Variants in IRF2BPL observed in about 807,000 individuals in gnomAD.
The protein encoded by IRF2BPL is interferon regulatory factor 2 binding protein like, also known as probable E3 ubiquitin-protein ligase IRF2BPL.
IRF2BPL carries 13 observed loss-of-function variants against 51.2 expected under a neutral mutation model. That is an observed-to-expected ratio of 0.25 (90% CI 0.17 to 0.40). IRF2BPL has a LOEUF of 0.40. IRF2BPL is among the 10% of genes least tolerant of loss of function. IRF2BPL has a pLI of 1.00. For synonymous variants in IRF2BPL, 768 were observed against 509.2 expected, an observed-to-expected ratio of 1.51 and a Z score of -6.84; for missense variants, 1,210 against 1,111.8, an observed-to-expected ratio of 1.09 and a Z score of -1.26.
At position 77,026,874 on chromosome 14, in the gene IRF2BPL, C is replaced by T. The variant is rs1885142713; in HGVS notation, c.919G>A (p.Ala307Thr). 1 of 1,574,910 alleles carries T rather than the reference C, an allele frequency of 6.3e-7. No individual in the cohort carries two copies. Among genetic ancestry groups the T allele is most frequent in the Non-Finnish European group, 8.6e-7 (1 of 1,161,084 alleles). ...ACLGGTPGVS[A>T]TSSSASSSTS... Reference sequence around the variant, plus strand: ...GAAGACGACGCGGAGGACGACGTGGCCGATACACCCGGGGTACCCCCGAGA... The same window carrying T: ...GAAGACGACGCGGAGGACGACGTGGTCGATACACCCGGGGTACCCCCGAGA... The change falls in exon 1 of 1, where the codon GCC becomes ACC. Residue 307 changes from alanine to threonine, a missense_variant. Transcript: ENST00000238647.
At position 77,027,489 on chromosome 14, in the gene IRF2BPL, C is replaced by T; in HGVS notation, c.304G>A (p.Ala102Thr). 2 of 706,098 alleles carry T rather than the reference C, an allele frequency of 2.8e-6. No individual in the cohort carries two copies. The highest frequency in any genetic ancestry group is 6.4e-4 in the Middle Eastern group (1 of 1,564). 43.7% of individuals were successfully genotyped at this position (706,098 alleles called of 1,614,324 possible). ...TGCTGCTGTTGCTGTTGCTGTTGCG[C>T]GGCGGCGGCGGCGGCCGCCGCTGCT... ...AAAAAAAAAA[A>T]QQQQQQQQQQ... is the part of the protein sequence containing the mutation. Residue 102 changes from alanine (A) to threonine (T), a missense_variant, in exon 1 of 1, where the codon GCG (alanine) becomes ACG (threonine). Physicochemically the swap from Ala to Thr is moderately conservative, Grantham distance 58. Transcript: ENST00000238647.
Position 77,026,286 on chromosome 14 carries a change from T to G in IRF2BPL, c.1507A>C (p.Ser503Arg), listed in dbSNP as rs1885118043. The change falls in exon 1 of 1, where the codon AGC becomes CGC. Residue 503 changes from serine (S) to arginine (R), a missense_variant. Ser to Arg is a moderately radical substitution (Grantham distance 110). Transcript: ENST00000238647. ...AGAGCAGTGGGCAGCATGGGACAGC[T>G]GGCGTCCAGGTAGGGCTGGGGCAGC... is the stretch of plus-strand genomic sequence containing the variant. Reference protein sequence around the residue: ...DMLPQPYLDASCPMLPTALVS... With the variant: ...DMLPQPYLDARCPMLPTALVS... The G allele has an allele frequency of 6.6e-7, 1 of 1,517,730 alleles. No homozygotes were observed. The highest frequency in any genetic ancestry group is 2.4e-5 in the East Asian group (1 of 41,854). The allele number at this position is 1,517,730 out of a possible 1,614,324, so 94.0% of individuals were successfully genotyped here.
At position 77,027,415 on chromosome 14, in the gene IRF2BPL, T is replaced by TTGCTGCTGC. The variant is rs1555377480; in HGVS notation, c.377_378insGCAGCAGCA (p.Gln125_Gln127dup). The TTGCTGCTGC allele has an allele frequency of 1.4e-6, 2 of 1,424,506 alleles. No individual in the cohort carries two copies. The highest frequency in any genetic ancestry group is 1.8e-6 in the Non-Finnish European group (2 of 1,093,086). The allele number at this position is 1,424,506 out of a possible 1,614,324, so 88.2% of individuals were successfully genotyped here. A position where few individuals can be genotyped will look rare whatever the true frequency, so the allele number is the denominator to read the frequency against. On this transcript the variant is annotated inframe_insertion, in exon 1 of 1. Transcript: ENST00000238647. ...TGGAACCATCAACGTGGTTGAGCTGTTGTTGCTGCTGCTGCTGCTGCTGCT... is the reference window on the plus strand; with the variant it reads ...TGGAACCATCAACGTGGTTGAGCTGTTGCTGCTGCTGTTGCTGCTGCTGCTGCTGCTGCT...
Position 77,025,021 on chromosome 14 carries a change from TC to T in IRF2BPL, c.*380del, listed in dbSNP as rs1885068000. On this transcript the variant is annotated 3_prime_UTR_variant, in exon 1 of 1. Coordinates refer to ENST00000238647, the MANE Select transcript of IRF2BPL (RefSeq NM_024496.4). Reference sequence around the variant, plus strand: ...AGTCTTTTTCTTTTGTGTGTGTTTTTCCTTTCAGAGAGTGCATAACATTTAC... The same window carrying T: ...AGTCTTTTTCTTTTGTGTGTGTTTTTCTTTCAGAGAGTGCATAACATTTAC... 1 of 147,230 alleles carries T rather than the reference TC, an allele frequency of 6.8e-6. No homozygotes were observed. The highest frequency in any genetic ancestry group is 2.6e-5 in the African/African-American group (1 of 39,214). The allele number at this position is 147,230 out of a possible 1,614,324, so 9.1% of individuals were successfully genotyped here.
Position 77,028,013 on chromosome 14 carries a change from C to T in IRF2BPL, c.-221G>A, listed in dbSNP as rs956385762. ...CGCCCGGGCAGCGGACGGGTTCAGC[C>T]CTCTCTTCGCCCCCACCTCCTACTG... On this transcript the variant is annotated 5_prime_UTR_variant, in exon 1 of 1. Transcript: ENST00000238647. The T allele has an allele frequency of 1.2e-5, 6 of 483,490 alleles. No homozygotes were observed. Among genetic ancestry groups the T allele is most frequent in the African/African-American group, 1.0e-4 (5 of 49,266 alleles). The allele number at this position is 483,490 out of a possible 1,614,324, so 29.9% of individuals were successfully genotyped here. A position where few individuals can be genotyped will look rare whatever the true frequency, so the allele number is the denominator to read the frequency against.
rs1885201018 is a variant in IRF2BPL, at chr14:77,027,793, G to GC, written c.-2_-1insG. 2 of 1,570,210 alleles carry GC rather than the reference G, an allele frequency of 1.3e-6. No homozygotes were observed. Among genetic ancestry groups the GC allele is most frequent in the Non-Finnish European group, 1.7e-6 (2 of 1,156,342 alleles). On this transcript the variant is annotated 5_prime_UTR_variant, in exon 1 of 1. The change creates a new upstream start codon in the 5' untranslated region. Transcript: ENST00000238647. Reference sequence around the variant, plus strand: ...ACGAGGACACCTGCGCCGCCGACATGATGCCTGCCCTGGGGAAGGTAGGCC... The same window carrying GC: ...ACGAGGACACCTGCGCCGCCGACATGCATGCCTGCCCTGGGGAAGGTAGGCC...
At position 77,025,815 on chromosome 14, in the gene IRF2BPL, GGCT is replaced by G; in HGVS notation, c.1975_1977del (p.Ser659del). On this transcript the variant is annotated inframe_deletion, in exon 1 of 1. Coordinates refer to ENST00000238647, the MANE Select transcript of IRF2BPL (RefSeq NM_024496.4). ...CCCGGCACGGAGGCCGGCGAGACTG[GGCT>G]GCTGCTGTTTCGCCGCGCCGACGCA... 1 of 1,612,432 alleles carries G rather than the reference GGCT, an allele frequency of 6.2e-7. No individual in the cohort carries two copies. Among genetic ancestry groups the G allele is most frequent in the Non-Finnish European group, 8.5e-7 (1 of 1,179,744 alleles).
In IRF2BPL at chr14:77,027,137, G is replaced by C. The variant is rs771575150; in HGVS notation, c.656C>G (p.Ser219Cys). Residue 219 changes from serine to cysteine, a missense_variant, in exon 1 of 1, where the codon TCT becomes TGT. By Grantham distance (112) the Ser-to-Cys change is moderately radical. Transcript: ENST00000238647. ...AGACGCCACCGACGCCGCCGCTGAA[G>C]AAGAATTGGGGCTCTGACGGTTCAG... The part of the protein sequence containing the change: ...PELNRQSPNS[S>C]SAAASVASRR... The C allele has an allele frequency of 6.2e-7, 1 of 1,612,920 alleles. No homozygotes were observed. Among genetic ancestry groups the C allele is most frequent in the Non-Finnish European group, 8.5e-7 (1 of 1,179,626 alleles).
chr14:77,027,450 G>A lies in IRF2BPL; in HGVS notation c.343C>T (p.Gln115Ter), dbSNP rs1445659695. 3.3e-6 allele frequency: 1 copy of A among 299,164 alleles called. No individual in the cohort carries two copies. Among genetic ancestry groups the A allele is most frequent in the South Asian group, 4.6e-5 (1 of 21,532 alleles). The allele number at this position is 299,164 out of a possible 1,614,324, so 18.5% of individuals were successfully genotyped here. Residue 115 changes from glutamine (Q) to a stop codon, truncating the protein, a stop_gained, in exon 1 of 1, where the codon CAG becomes TAG. Transcript: ENST00000238647. LOFTEE classifies it high-confidence loss of function. The stretch of plus-strand genomic sequence containing the variant: ...TGCTGCTGCTGCTGCTGCTGCTGCT[G>A]TTGCTGCTGCTGCTGCTGCTGTTGC... ...QQQQQQQQQQ[Q>*]QQQQQQQQQQ...
chr14:77,027,450 GTT>G lies in IRF2BPL; in HGVS notation c.341_342del (p.Gln114ProfsTer18). 3.3e-6 allele frequency: 1 copy of G among 299,162 alleles called. No individual in the cohort carries two copies. The allele number at this position is 299,162 out of a possible 1,614,324, so 18.5% of individuals were successfully genotyped here. ...TGCTGCTGCTGCTGCTGCTGCTGCT[GTT>G]GCTGCTGCTGCTGCTGCTGTTGCTG... Reference protein sequence around the residue: ...QQQQQQQQQQQQQQQQQQQQQ... With the variant: ...QQQQQQQQQQXQQQQQQQQQQ... On this transcript the variant is annotated frameshift_variant, in exon 1 of 1. Coordinates refer to ENST00000238647, the MANE Select transcript of IRF2BPL (RefSeq NM_024496.4). LOFTEE classifies it high-confidence loss of function.
rs549304182 is a variant in IRF2BPL, at chr14:77,025,309, G to A, written c.*93C>T. The A allele has an allele frequency of 3.1e-5, 26 of 825,560 alleles. No individual in the cohort carries two copies. Among genetic ancestry groups the A allele is most frequent in the Admixed American group, 1.4e-4 (5 of 35,260 alleles). The allele number at this position is 825,560 out of a possible 1,614,324, so 51.1% of individuals were successfully genotyped here. Reference sequence around the variant, plus strand: ...ATATTCACAATTCTACACCTTGGGGGTGAGGGGAGGGAGGGTCGAGTTGGG... The same window carrying A: ...ATATTCACAATTCTACACCTTGGGGATGAGGGGAGGGAGGGTCGAGTTGGG... On this transcript the variant is annotated 3_prime_UTR_variant, in exon 1 of 1. Transcript: ENST00000238647.
In IRF2BPL at chr14:77,025,261, GACTA is replaced by G. The variant is rs1280316459; in HGVS notation, c.*137_*140del. 5.6e-6 allele frequency: 3 copies of G among 537,292 alleles called. No homozygotes were observed. The highest frequency in any genetic ancestry group is 1.9e-5 in the African/African-American group (1 of 52,392). 33.3% of individuals were successfully genotyped at this position (537,292 alleles called of 1,614,324 possible). The stretch of plus-strand genomic sequence containing the variant: ...CGACGAAAATAATGTCTATACATAA[GACTA>G]ACTTTTTGCAGTTTCGTTATATTCA... On this transcript the variant is annotated 3_prime_UTR_variant, in exon 1 of 1. Coordinates refer to ENST00000238647, the MANE Select transcript of IRF2BPL (RefSeq NM_024496.4).
chr14:77,025,598 G>T lies in IRF2BPL; in HGVS notation c.2195C>A (p.Ser732Tyr). ...LEDTHFVQCP[S>Y]VPSHKFCFPC... The stretch of plus-strand genomic sequence containing the variant: ...GAAGCAAAATTTGTGGCTGGGGACG[G>T]AAGGGCACTGAACGAAATGCGTATC... The change falls in exon 1 of 1, where the codon TCC becomes TAC. Residue 732 changes from serine (S) to tyrosine (Y), a missense_variant. Transcript: ENST00000238647. 2.5e-6 allele frequency: 4 copies of T among 1,603,798 alleles called. No homozygotes were observed. Among genetic ancestry groups the T allele is most frequent in the Admixed American group, 1.7e-5 (1 of 58,236 alleles).
chr14:77,028,273 G>A lies in IRF2BPL; in HGVS notation c.-481C>T, dbSNP rs1272995007. ...CTCCCCGACGGGCCCCCTGGGGCGAGGGCCAGAGGGTTCAGTGCCACCCGG... is the reference window on the plus strand; with the variant it reads ...CTCCCCGACGGGCCCCCTGGGGCGAAGGCCAGAGGGTTCAGTGCCACCCGG... On this transcript the variant is annotated 5_prime_UTR_variant, in exon 1 of 1. Coordinates refer to ENST00000238647, the MANE Select transcript of IRF2BPL (RefSeq NM_024496.4). 1 of 240,236 alleles carries A rather than the reference G, an allele frequency of 4.2e-6. No homozygotes were observed. The highest frequency in any genetic ancestry group is 8.5e-6 in the Non-Finnish European group (1 of 117,064). 14.9% of individuals were successfully genotyped at this position (240,236 alleles called of 1,614,324 possible). A position where few individuals can be genotyped will look rare whatever the true frequency, so the allele number is the denominator to read the frequency against.
At position 77,025,273 on chromosome 14, in the gene IRF2BPL, G is replaced by A. The variant is rs1885077189; in HGVS notation, c.*129C>T. ...TGTCTATACATAAGACTAACTTTTT[G>A]CAGTTTCGTTATATTCACAATTCTA... On this transcript the variant is annotated 3_prime_UTR_variant, in exon 1 of 1. Transcript: ENST00000238647. 1.8e-6 allele frequency: 1 copy of A among 567,088 alleles called. No individual in the cohort carries two copies. Among genetic ancestry groups the A allele is most frequent in the Non-Finnish European group, 3.0e-6 (1 of 333,978 alleles). 35.1% of individuals were successfully genotyped at this position (567,088 alleles called of 1,614,324 possible). A position where few individuals can be genotyped will look rare whatever the true frequency, so the allele number is the denominator to read the frequency against.
Position 77,027,469 on chromosome 14 carries a change from CTGTTGCTGT to C in IRF2BPL, c.315_323del (p.Gln125_Gln127del), listed in dbSNP as rs1885181944. Reference sequence around the variant, plus strand: ...GCTGCTGTTGCTGCTGCTGCTGCTGCTGTTGCTGTTGCTGTTGCGCGGCGGCGGCGGCGG... The same window carrying C: ...GCTGCTGTTGCTGCTGCTGCTGCTGCTGCTGTTGCGCGGCGGCGGCGGCGG... On this transcript the variant is annotated inframe_deletion, in exon 1 of 1. Coordinates refer to ENST00000238647, the MANE Select transcript of IRF2BPL (RefSeq NM_024496.4). 8 of 1,383,954 alleles carry C rather than the reference CTGTTGCTGT, an allele frequency of 5.8e-6. No homozygotes were observed. The highest frequency in any genetic ancestry group is 3.1e-5 in the East Asian group (1 of 32,178). 85.7% of individuals were successfully genotyped at this position (1,383,954 alleles called of 1,614,324 possible).
Position 77,025,810 on chromosome 14 carries a change from G to A in IRF2BPL, c.1983C>T (p.Val661=), listed in dbSNP as rs775080917. The change falls in exon 1 of 1, where the codon GTC becomes GTT. Residue 661 remains valine, a synonymous_variant. Coordinates refer to ENST00000238647, the MANE Select transcript of IRF2BPL (RefSeq NM_024496.4). ...ASARRNSSSP[V]SPASVPGQRR... ...GCTGCCCCGGCACGGAGGCCGGCGA[G>A]ACTGGGCTGCTGCTGTTTCGCCGCG... 10 of 1,612,298 alleles carry A rather than the reference G, an allele frequency of 6.2e-6. No individual in the cohort carries two copies. The African/African-American group carries it at 6.7e-5, about 11-fold the overall frequency.
chr14:77,027,493 G>T lies in IRF2BPL; in HGVS notation c.300C>A (p.Ala100=). ...GCTGTTGCTGTTGCTGTTGCGCGGC[G>T]GCGGCGGCGGCCGCCGCTGCTGCCG... ...AAAAAAAAAA[A]AAQQQQQQQQ... is the part of the protein sequence containing the mutation. The change falls in exon 1 of 1, where the codon GCC becomes GCA. Residue 100 remains alanine, a synonymous_variant. Transcript: ENST00000238647. The T allele has an allele frequency of 1.5e-6, 1 of 682,904 alleles. No individual in the cohort carries two copies. Among genetic ancestry groups the T allele is most frequent in the Non-Finnish European group, 1.8e-6 (1 of 542,236 alleles). The allele number at this position is 682,904 out of a possible 1,614,324, so 42.3% of individuals were successfully genotyped here. A position where few individuals can be genotyped will look rare whatever the true frequency, so the allele number is the denominator to read the frequency against.
At position 77,026,186 on chromosome 14, in the gene IRF2BPL, C is replaced by A. The variant is rs745856019; in HGVS notation, c.1607G>T (p.Gly536Val). Residue 536 changes from glycine (G) to valine (V), a missense_variant, in exon 1 of 1, where the codon GGC (glycine) becomes GTC (valine). Transcript: ENST00000238647. ...ALPPAAPSGR[G>V]AAASLRKRKA... is the part of the protein sequence containing the mutation. ...TCTCTTGCGCAGGCTGGCGGCTGCG[C>A]CCCGGCCCGACGGCGCGGCGGGCGG... The A allele has an allele frequency of 3.9e-5, 55 of 1,400,606 alleles. No individual in the cohort carries two copies. In the South Asian group the frequency reaches 8.1e-4, roughly 21 times the overall value. The allele number at this position is 1,400,606 out of a possible 1,614,324, so 86.8% of individuals were successfully genotyped here. A position where few individuals can be genotyped will look rare whatever the true frequency, so the allele number is the denominator to read the frequency against.
Sources: gnomAD v4.1 joint callset for allele counts on GRCh38, gnomAD v4.1.1 for gene constraint, MANE v1.5 for transcripts, NCBI Gene and HGNC (gene_info 2026-07-23, HGNC 2026-07-21) for gene names.